TRHDE: variants seen among roughly 807,000 people sequenced by gnomAD.
TRHDE encodes the protein thyrotropin-releasing hormone-degrading ectoenzyme.
Under a neutral mutation model 125.7 loss-of-function variants are expected in TRHDE, and 72 were observed. The observed-to-expected ratio is 0.57, with a 90% CI of 0.47 to 0.70. The LOEUF is 0.70. Among genes scored for constraint, TRHDE ranks in the 30% least tolerant of loss-of-function variants. TRHDE has a pLI of 0.00. For synonymous variants in TRHDE, 509 were observed against 509.1 expected (o/e 1.00, Z 0.00); for missense variants, 1,110 against 1,327.1 (o/e 0.84, Z 2.54).
chr12:72,156,495 G>A (rs969322158), intron 2 of TRHDE, among the ~76,000 whole-genome samples: 3 of 152,126 alleles, frequency 2.0e-5, no homozygotes, highest in Admixed American at 6.5e-5. Flanking sequence ...CTCATGCTGG[G>A]AGCTGTAGAC....
At chr12:72,326,385 A>G (rs1869341341) in intron 2 of TRHDE, among the ~76,000 whole-genome samples, 1 of 152,166 alleles carries the variant, frequency 6.6e-6, no homozygotes, top group Middle Eastern at 3.4e-3. Context: ...AGCATCACAC[A>G]CTGGAGCCTG....
intron 2 of TRHDE, among the ~76,000 whole-genome samples, chr12:72,302,021 G>C (rs1190571931): frequency 6.6e-6 from 1 of 152,268 alleles, no homozygotes; most frequent in East Asian, 1.9e-4. Flanking sequence ...TTTTTCCTGT[G>C]ATTACCAACT....
chr12:72,551,310 A>G (rs1467148272), intron 7 of TRHDE, among the ~76,000 whole-genome samples: 1 of 152,132 alleles, frequency 6.6e-6, no homozygotes, highest in African/African-American at 2.4e-5. Flanking sequence ...TCATGTTAGC[A>G]TGGCACACAA....
At chr12:72,232,917 G>A (rs1565668615) in intron 2 of TRHDE, among the ~76,000 whole-genome samples, 1 of 151,896 alleles carries the variant, frequency 6.6e-6, no homozygotes, top group Admixed American at 6.6e-5. Flanking sequence ...TATTTATTTT[G>A]TGTATTATCT....
intron 2 of TRHDE, among the ~76,000 whole-genome samples, chr12:72,237,550 C>T (rs1878358134): frequency 6.6e-6 from 1 of 152,126 alleles, no homozygotes; most frequent in South Asian, 2.1e-4. Flanking sequence ...GGGAAAAGGA[C>T]TCGGTTTCCC....
At chr12:72,422,577 G>A (rs1051469397) in intron 3 of TRHDE, among the ~76,000 whole-genome samples, 3 of 152,122 alleles carry the variant, frequency 2.0e-5, no homozygotes, top group Admixed American at 1.3e-4. Context: ...AAAGAATACA[G>A]AATGCTTTCA....
At chr12:72,152,587 T>C (rs1385539212) in intron 2 of TRHDE, among the ~76,000 whole-genome samples, 1 of 152,232 alleles carries the variant, frequency 6.6e-6, no homozygotes, top group East Asian at 1.9e-4. Flanking sequence ...ACCTAATTTA[T>C]TGAGAGTTTT....
intron 2 of TRHDE, among the ~76,000 whole-genome samples, chr12:72,113,310 A>G (rs12301228): frequency 0.76 from 114,724 of 151,822 alleles, 43,964 homozygotes; most frequent in Non-Finnish European, 0.82. Flanking sequence ...TGAGCCACTG[A>G]GCTCAATCTT....
chr12:72,244,002 C>T (rs1264544277), intron 2 of TRHDE, among the ~76,000 whole-genome samples: 1 of 152,074 alleles, frequency 6.6e-6, no homozygotes, highest in African/African-American at 2.4e-5. Flanking sequence ...ATAGTCCTAC[C>T]CTGCCTTCCC....
intron 17 of TRHDE, among the ~76,000 whole-genome samples, chr12:72,655,026 C>T (rs1874652175): frequency 6.6e-6 from 1 of 152,156 alleles, no homozygotes; most frequent in Non-Finnish European, 1.5e-5. Context: ...GTTCTTCAAT[C>T]TTCAGGCTCA....
At chr12:72,479,075 T>A (rs1269533241) in intron 5 of TRHDE, among the ~76,000 whole-genome samples, 1 of 152,130 alleles carries the variant, frequency 6.6e-6, no homozygotes, top group Non-Finnish European at 1.5e-5. Context: ...TTTCAGAATG[T>A]CTTGTTGTGG....
chr12:72,358,521 G>C (rs987447692), intron 2 of TRHDE, among the ~76,000 whole-genome samples: 4 of 151,480 alleles, frequency 2.6e-5, no homozygotes, highest in African/African-American at 9.7e-5. Flanking sequence ...GTCGACAGTA[G>C]GCTATTAGTA....
intron 17 of TRHDE, among the ~76,000 whole-genome samples, chr12:72,655,359 C>T (rs1422125149): frequency 6.6e-6 from 1 of 152,202 alleles, no homozygotes; most frequent in Non-Finnish European, 1.5e-5. Context: ...CAGGCGTGAG[C>T]CACCGCCTTG....
intron 3 of TRHDE, among the ~76,000 whole-genome samples, chr12:72,380,448 A>G (rs1348014961): frequency 6.6e-6 from 1 of 152,218 alleles, no homozygotes; most frequent in African/African-American, 2.4e-5. Flanking sequence ...TAAAATGGGC[A>G]ATCATGGAAG....
chr12:72,138,718 A>C (rs1032280953), intron 2 of TRHDE, among the ~76,000 whole-genome samples: 15 of 152,226 alleles, frequency 9.9e-5, no homozygotes, highest in African/African-American at 3.4e-4. Context: ...AGGAGTCGTG[A>C]CCATATTCCT....
intron 2 of TRHDE, among the ~76,000 whole-genome samples, chr12:72,213,751 T>C (rs569793817): frequency 2.7e-4 from 41 of 152,242 alleles, no homozygotes; most frequent in African/African-American, 9.9e-4. Flanking sequence ...AAAACAAAAT[T>C]TGTTTAAACT....
chr12:72,548,225 C>T (rs1378044650), intron 7 of TRHDE, among the ~76,000 whole-genome samples: 1 of 151,684 alleles, frequency 6.6e-6, no homozygotes, highest in Non-Finnish European at 1.5e-5. Context: ...ATTTTGCCCT[C>T]ATTTTTTTGT....
At chr12:72,541,589 T>C (rs1869150942) in intron 6 of TRHDE, among the ~76,000 whole-genome samples, 1 of 151,530 alleles carries the variant, frequency 6.6e-6, no homozygotes, top group Non-Finnish European at 1.5e-5. Flanking sequence ...TTTGAAATAA[T>C]ACTGGTAGCT....
chr12:72,575,139 A>G, intron 10 of TRHDE, 116 bp from the exon 11 acceptor site: 2 of 993,934 alleles, frequency 2.0e-6, no homozygotes, highest in Non-Finnish European at 1.5e-6. Flanking sequence ...TCAATTAGGT[A>G]TTTAAGATGA....
Sources: gnomAD v4.1 joint callset for allele counts (sites outside exome capture counted in the v4.1 genomes callset) on GRCh38, gnomAD v4.1.1 for gene constraint, MANE v1.5 for transcripts, NCBI Gene and HGNC (gene_info 2026-07-23, HGNC 2026-07-21) for gene names.